GLG1: variants seen among roughly 807,000 people sequenced by gnomAD.
GLG1 encodes the protein Golgi apparatus protein 1.
Under a neutral mutation model 160.5 loss-of-function variants are expected in GLG1, and 38 were observed. The ratio of observed to expected loss-of-function variants is 0.24; its 90% CI spans 0.18 to 0.31. The LOEUF is 0.31. Among genes scored for constraint, GLG1 ranks in the 10% least tolerant of loss-of-function variants. The probability of loss-of-function intolerance (pLI) is 1.00; values close to 1 mark genes in which losing one functional copy is unlikely to be tolerated. For missense variants in GLG1, 1,373 were observed against 1,505.2 expected, an observed-to-expected ratio of 0.91 and a Z score of 1.45; for synonymous variants, 644 against 543.4, an observed-to-expected ratio of 1.19 and a Z score of -2.57.
intron 19 of GLG1, chr16:74,463,957 T>G (rs1220254393): frequency 5.7e-6 from 1 of 175,880 alleles, no homozygotes; most frequent in African/African-American, 2.4e-5. Flanking sequence ...TGTGATCAAT[T>G]AGTTGTAAAC....
chr16:74,580,873 C>T (rs757665492), intron 1 of GLG1, among the ~76,000 whole-genome samples: 1 of 152,174 alleles, frequency 6.6e-6, no homozygotes, highest in East Asian at 1.9e-4. Context: ...GAATTTGAGA[C>T]CAGCCTGACC....
At chr16:74,528,912 T>G (rs564281478) in intron 2 of GLG1, among the ~76,000 whole-genome samples, 4 of 151,932 alleles carry the variant, frequency 2.6e-5, no homozygotes, top group Admixed American at 2.6e-4. Context: ...CTCATTAGAT[T>G]TGGAAAACAT....
At chr16:74,516,903 C>G (rs1246582995) in intron 2 of GLG1, among the ~76,000 whole-genome samples, 1 of 152,052 alleles carries the variant, frequency 6.6e-6, no homozygotes, top group South Asian at 2.1e-4. Context: ...TACAAACTAC[C>G]ATCAGAAAAT....
At chr16:74,564,199 T>A (rs985725994) in intron 1 of GLG1, among the ~76,000 whole-genome samples, 3 of 152,192 alleles carry the variant, frequency 2.0e-5, no homozygotes, top group Non-Finnish European at 2.9e-5. Flanking sequence ...GATTAACAGG[T>A]GTGAGCCATC....
At chr16:74,584,496 T>C (rs187628485) in intron 1 of GLG1, among the ~76,000 whole-genome samples, 16 of 152,290 alleles carry the variant, frequency 1.1e-4, no homozygotes, top group Non-Finnish European at 1.9e-4. Context: ...AGTTTCAGTT[T>C]CACTTTAGAA....
chr16:74,593,686 C>T (rs56283458), intron 1 of GLG1, among the ~76,000 whole-genome samples: 14,962 of 151,972 alleles, frequency 0.098, 1,027 homozygotes, highest in South Asian at 0.33. Flanking sequence ...CTGCCCGCCT[C>T]GGCCTCGCAA....
intron 1 of GLG1, among the ~76,000 whole-genome samples, chr16:74,571,263 T>C (rs545904387): frequency 1.3e-5 from 2 of 152,148 alleles, no homozygotes; most frequent in Non-Finnish European, 2.9e-5. Context: ...TGACTACAGA[T>C]ACATGAATGA....
intron 17 of GLG1, chr16:74,468,705 T>A: frequency 2.0e-6 from 1 of 502,804 alleles, no homozygotes; most frequent in Non-Finnish European, 3.6e-6. Context: ...GATCACATGC[T>A]TAGTTAGAGC....
intron 1 of GLG1, among the ~76,000 whole-genome samples, chr16:74,541,000 AACT>A (rs1230368328): frequency 6.6e-6 from 1 of 152,170 alleles, no homozygotes; most frequent in African/African-American, 2.4e-5. Flanking sequence ...GTGAGGTTGT[AACT>A]ACCACACTAC....
intron 1 of GLG1, among the ~76,000 whole-genome samples, chr16:74,556,918 A>G (rs547043725): frequency 6.6e-6 from 1 of 151,936 alleles, no homozygotes; most frequent in African/African-American, 2.4e-5. Flanking sequence ...ATAGCTTTTA[A>G]ATAATACAGC....
intron 16 of GLG1, 147 bp downstream of exon 16, chr16:74,469,838 T>C (rs2015132322): frequency 1.5e-6 from 1 of 647,040 alleles, no homozygotes; most frequent in Non-Finnish European, 2.8e-6. Flanking sequence ...GTCCGAGTGT[T>C]TGCCACGCTA....
At chr16:74,547,577 T>G (rs1357730077) in intron 1 of GLG1, among the ~76,000 whole-genome samples, 1 of 152,268 alleles carries the variant, frequency 6.6e-6, no homozygotes, top group Non-Finnish European at 1.5e-5. Context: ...GTTCTACCAG[T>G]TAATTTGTGC....
At chr16:74,530,614 T>C (rs1011864446) in intron 2 of GLG1, among the ~76,000 whole-genome samples, 15 of 152,068 alleles carry the variant, frequency 9.9e-5, no homozygotes, top group African/African-American at 3.4e-4. Context: ...CACATCCTTA[T>C]CAATACTGTG....
chr16:74,522,483 T>C (rs1379676040), intron 2 of GLG1, among the ~76,000 whole-genome samples: 2 of 152,212 alleles, frequency 1.3e-5, no homozygotes, highest in East Asian at 1.9e-4. Context: ...TAAGCACCTT[T>C]TCATTGTTTT....
rs1417488956 is a variant in GLG1 at position 74,460,825 on chromosome 16, C to T, written c.3037-1036G>A. On this transcript the variant is annotated intron_variant, in intron 22 of 25. Coordinates refer to ENST00000422840, the MANE Select transcript of GLG1 (RefSeq NM_001145667.2). Reference sequence around the variant, plus strand: ...TCAAAAAGAAGGCTGCTACTTGATTCCACAGGAGCAAGGTTATATATAACC... The same window carrying T: ...TCAAAAAGAAGGCTGCTACTTGATTTCACAGGAGCAAGGTTATATATAACC... Among the ~76,000 whole-genome samples, 3 of 152,324 alleles carry T rather than the reference C, an allele frequency of 2.0e-5. No homozygotes were observed. The East Asian group carries it at 5.8e-4, about 29-fold the overall frequency.
Position 74,450,152 on chromosome 16 carries a change from G to A in GLG1, c.*3015C>T, listed in dbSNP as rs2014231190. On this transcript the variant is annotated 3_prime_UTR_variant, in exon 26 of 26. Coordinates refer to ENST00000422840, the MANE Select transcript of GLG1 (RefSeq NM_001145667.2). Reference sequence around the variant, plus strand: ...CTATAACTGTTAGCAAGTACCTGAAGCCTTAGCCTTGGCAAAACCCCCTAC... The same window carrying A: ...CTATAACTGTTAGCAAGTACCTGAAACCTTAGCCTTGGCAAAACCCCCTAC... The A allele has an allele frequency of 6.6e-6, 1 of 152,298 alleles. No homozygotes were observed. The highest frequency in any genetic ancestry group is 2.4e-5 in the African/African-American group (1 of 41,450). The allele number at this position is 152,298 out of a possible 1,614,324, so 9.4% of individuals were successfully genotyped here.
At chr16:74,475,157 CAAAAAAAAAAAAA>C (rs58639513) in intron 12 of GLG1, among the ~76,000 whole-genome samples, 6 of 52,858 alleles carry the variant, frequency 1.1e-4, no homozygotes, top group African/African-American at 4.5e-4. Context: ...AACTCCGTCT[CAAAAAAAAAAAAA>C]AAAAAAAAAA....
At chr16:74,566,012 C>A (rs1285088566) in intron 1 of GLG1, among the ~76,000 whole-genome samples, 1 of 152,162 alleles carries the variant, frequency 6.6e-6, no homozygotes, top group Non-Finnish European at 1.5e-5. Context: ...TAGAACGTCC[C>A]TCAATTTGGG....
intron 1 of GLG1, among the ~76,000 whole-genome samples, chr16:74,585,049 A>G (rs1958016632): frequency 6.6e-6 from 1 of 152,186 alleles, no homozygotes; most frequent in Non-Finnish European, 1.5e-5. Flanking sequence ...TGTTCCCCAA[A>G]AATCTATTGA....
Sources: gnomAD v4.1 joint callset for allele counts (sites outside exome capture counted in the v4.1 genomes callset) on GRCh38, gnomAD v4.1.1 for gene constraint, MANE v1.5 for transcripts, NCBI Gene and HGNC (gene_info 2026-07-23, HGNC 2026-07-21) for gene names.